LRCH3: variants seen among roughly 807,000 people sequenced by gnomAD.
LRCH3 encodes the protein DISP complex protein LRCH3.
In LRCH3, 68 loss-of-function variants were observed where a neutral mutation model predicts 104.5. That is an observed-to-expected ratio of 0.65 (90% CI 0.54 to 0.80). The LOEUF (loss-of-function observed/expected upper bound fraction) is 0.80, where lower values mean the gene tolerates loss of function less well. Ranked by LOEUF, LRCH3 falls within the 30% of genes least tolerant of loss-of-function variation. LRCH3 has a pLI of 0.00. For missense variants in LRCH3, 951 were observed against 953.9 expected (o/e 1.00, Z 0.04); for synonymous variants, 344 against 361.3 (o/e 0.95, Z 0.54).
chr3:197,871,309 T>C lies in LRCH3; in HGVS notation c.1993-16T>C, dbSNP rs1377949063. 1.3e-6 allele frequency: 2 copies of C among 1,597,848 alleles called. No individual in the cohort carries two copies. The highest frequency in any genetic ancestry group is 1.7e-6 in the Non-Finnish European group (2 of 1,165,986). On this transcript the variant is annotated splice_polypyrimidine_tract_variant and intron_variant, in intron 18 of 20. Coordinates refer to ENST00000425562, the MANE Select transcript of LRCH3 (RefSeq NM_001365715.1). ...CTTTCTTCAATTAATCTATTACATG[T>C]TTTTTGTTCTTTCAGCATATTGAGT...
At chr3:197,820,488 C>A in intron 4 of LRCH3, 58 bp downstream of exon 4, 2 of 1,210,930 alleles carry the variant, frequency 1.7e-6, no homozygotes. Context: ...TTAAAGCTCT[C>A]TCAGACCAAT....
In LRCH3 at chr3:197,888,240, A is replaced by G. The variant is rs1714390343; in HGVS notation, c.*4574A>G. ...GATGGTTTACAGCAAATTTCGTTTT[A>G]TTTCTGAAAATGTTGTAAACATGTA... On this transcript the variant is annotated 3_prime_UTR_variant, in exon 21 of 21. Coordinates refer to ENST00000425562, the MANE Select transcript of LRCH3 (RefSeq NM_001365715.1). 1 of 152,252 alleles carries G rather than the reference A, an allele frequency of 6.6e-6. No homozygotes were observed. The highest frequency in any genetic ancestry group is 1.5e-5 in the Non-Finnish European group (1 of 68,034). 9.4% of individuals were successfully genotyped at this position (152,252 alleles called of 1,614,324 possible). A position where few individuals can be genotyped will look rare whatever the true frequency, so the allele number is the denominator to read the frequency against.
At chr3:197,875,993 G>A (rs925570542) in intron 20 of LRCH3, 9 of 356,922 alleles carry the variant, frequency 2.5e-5, no homozygotes, top group African/African-American at 1.7e-4. Context: ...ATTGAAATAA[G>A]TATAAGTAAT....
At chr3:197,855,607 A>C (rs1740142017) in intron 14 of LRCH3, among the ~76,000 whole-genome samples, 1 of 152,196 alleles carries the variant, frequency 6.6e-6, no homozygotes, top group African/African-American at 2.4e-5. Context: ...ACCATACTGA[A>C]ACTGAAAACC....
intron 20 of LRCH3, chr3:197,880,640 G>A (rs1005177426): frequency 1.3e-6 from 2 of 1,536,710 alleles, no homozygotes; most frequent in Non-Finnish European, 1.7e-6. Context: ...TGCAGCTTCT[G>A]GGTTTTGTGG....
At chr3:197,833,778 T>G (rs1736302158) in intron 8 of LRCH3, among the ~76,000 whole-genome samples, 1 of 152,192 alleles carries the variant, frequency 6.6e-6, no homozygotes, top group African/African-American at 2.4e-5. Flanking sequence ...GTGGTTCACC[T>G]TCATGGCTTG....
intron 20 of LRCH3, chr3:197,880,926 C>T (rs926231999): frequency 1.9e-5 from 27 of 1,411,810 alleles, no homozygotes; most frequent in Non-Finnish European, 2.2e-5. Context: ...AGTAAAAGAC[C>T]AGCATTTTTT....
In LRCH3 at chr3:197,883,768, C is replaced by A; in HGVS notation, c.*102C>A. ...CTTAAACAAAGCTCTTGTGTGTTCTCAGAAGGGACCGTTCCCATGATTCCT... is the reference window on the plus strand; with the variant it reads ...CTTAAACAAAGCTCTTGTGTGTTCTAAGAAGGGACCGTTCCCATGATTCCT... On this transcript the variant is annotated 3_prime_UTR_variant, in exon 21 of 21. Coordinates refer to ENST00000425562, the MANE Select transcript of LRCH3 (RefSeq NM_001365715.1). This position sits in a 1 kb window ranked among gnomAD's most constrained non-coding sequence, Gnocchi z 4.2. 1 of 1,245,942 alleles carries A rather than the reference C, an allele frequency of 8.0e-7. No homozygotes were observed. The allele number at this position is 1,245,942 out of a possible 1,614,324, so 77.2% of individuals were successfully genotyped here.
chr3:197,817,330 A>ATG (rs1491454235), intron 3 of LRCH3, 28 bp downstream of exon 3: 11 of 1,282,536 alleles, frequency 8.6e-6, no homozygotes, highest in African/African-American at 5.6e-5. Flanking sequence ...ATTGTCCAAC[A>ATG]TGTGTGTGTG....
At chr3:197,806,388 A>G (rs77248358) in intron 1 of LRCH3, among the ~76,000 whole-genome samples, 1 of 152,030 alleles carries the variant, frequency 6.6e-6, no homozygotes, top group African/African-American at 2.4e-5. Flanking sequence ...CAGCCTCTCA[A>G]AGTGCTAGGA....
At position 197,869,864 on chromosome 3, in the gene LRCH3, T is replaced by C. The variant is rs61793820; in HGVS notation, c.1874-296T>C. ...GAGGTAGAAAGCGATACACTGTACC[T>C]GCAGGAGGTAGAAAGCCATGCAGTG... is the stretch of plus-strand genomic sequence containing the variant. On this transcript the variant is annotated intron_variant, in intron 17 of 20. Transcript: ENST00000425562. Among the ~76,000 whole-genome samples the C allele has an allele frequency of 3.8e-3, 563 of 148,636 alleles. 4 individuals are homozygous for C. Among genetic ancestry groups the C allele is most frequent in the South Asian group, 0.011 (50 of 4,654 alleles).
intron 12 of LRCH3, among the ~76,000 whole-genome samples, chr3:197,851,958 C>A (rs115887414): frequency 6.6e-6 from 1 of 152,170 alleles, no homozygotes; most frequent in Non-Finnish European, 1.5e-5. Context: ...GGAGACCTTG[C>A]ACGTGCCGCA....
intron 8 of LRCH3, 42 bp from the exon 9 acceptor site, chr3:197,835,632 C>A: frequency 7.1e-7 from 1 of 1,404,458 alleles, no homozygotes; most frequent in South Asian, 1.6e-5. Flanking sequence ...ATGTTTTTTT[C>A]TGGTGTGTGT....
At chr3:197,807,412 G>A (rs542032393) in intron 1 of LRCH3, among the ~76,000 whole-genome samples, 52 of 151,874 alleles carry the variant, frequency 3.4e-4, no homozygotes, top group Middle Eastern at 3.4e-3. Flanking sequence ...TAGTAGAGAC[G>A]GGGTTTCACC....
rs757993615 is a variant in LRCH3 at position 197,856,907 on chromosome 3, G to T, written c.1645-1927G>T. Among the ~76,000 whole-genome samples the T allele has an allele frequency of 6.6e-6, 1 of 152,182 alleles. No individual in the cohort carries two copies. On this transcript the variant is annotated intron_variant, in intron 14 of 20. Transcript: ENST00000425562. This position sits in a 1 kb window ranked among gnomAD's most constrained non-coding sequence, Gnocchi z 4.2. ...TTTGTGATGAAAAGGTCTGATGAACGATATCATAAGGTAAATGCTGAATTT... is the reference window on the plus strand; with the variant it reads ...TTTGTGATGAAAAGGTCTGATGAACTATATCATAAGGTAAATGCTGAATTT...
chr3:197,865,323 G>A (rs1741357707), intron 15 of LRCH3, 100 bp from the exon 16 acceptor site: 2 of 801,978 alleles, frequency 2.5e-6, no homozygotes, highest in Admixed American at 2.5e-5. Flanking sequence ...GTGAAGGAGA[G>A]TTACCTGTTT....
intron 5 of LRCH3, among the ~76,000 whole-genome samples, chr3:197,828,496 C>G (rs1735500024): frequency 1.3e-5 from 2 of 151,714 alleles, no homozygotes; most frequent in African/African-American, 4.8e-5. Flanking sequence ...CAGGTGCCTG[C>G]CACCATGCCT....
chr3:197,815,061 A>T lies in LRCH3; in HGVS notation c.407+9A>T. 7.0e-7 allele frequency: 1 copy of T among 1,427,122 alleles called. No homozygotes were observed. Among genetic ancestry groups the T allele is most frequent in the Non-Finnish European group, 9.5e-7 (1 of 1,055,276 alleles). 88.4% of individuals were successfully genotyped at this position (1,427,122 alleles called of 1,614,324 possible). A position where few individuals can be genotyped will look rare whatever the true frequency, so the allele number is the denominator to read the frequency against. Reference sequence around the variant, plus strand: ...ACATTCTTAAATATTAGGTAAGAATATTGTTTTCTTATTTTAAATTTTTGG... The same window carrying T: ...ACATTCTTAAATATTAGGTAAGAATTTTGTTTTCTTATTTTAAATTTTTGG... On this transcript the variant is annotated intron_variant, in intron 2 of 20. Transcript: ENST00000425562.
intron 20 of LRCH3, chr3:197,882,198 G>A (rs1056480819): frequency 1.0e-5 from 10 of 985,290 alleles, no homozygotes; most frequent in African/African-American, 3.5e-5. Context: ...TGTGAACACC[G>A]GCCGCGCAGG....
Sources: gnomAD v4.1 joint callset for allele counts (sites outside exome capture counted in the v4.1 genomes callset) on GRCh38, gnomAD v4.1.1 for gene constraint, Gnocchi (gnomAD v3.1) non-coding constraint, MANE v1.5 for transcripts, NCBI Gene and HGNC (gene_info 2026-07-23, HGNC 2026-07-21) for gene names.